EML6: variants seen among roughly 807,000 people sequenced by gnomAD.
The protein encoded by EML6 is echinoderm microtubule-associated protein-like 6.
EML6 carries 154 observed loss-of-function variants against 240.1 expected under a neutral mutation model. That is an observed-to-expected ratio of 0.64 (90% CI 0.56 to 0.73). EML6 has a LOEUF of 0.73. EML6 is among the 30% of genes least tolerant of loss of function. The probability of loss-of-function intolerance (pLI) is 0.00; values close to 1 mark genes in which losing one functional copy is unlikely to be tolerated. For synonymous variants in EML6, 1,148 were observed against 899.0 expected, an observed-to-expected ratio of 1.28 and a Z score of -4.95; for missense variants, 2,964 against 2,474.6, an observed-to-expected ratio of 1.20 and a Z score of -4.20.
intron 7 of EML6, among the ~76,000 whole-genome samples, chr2:54,843,570 C>T (rs1251059169): frequency 1.3e-5 from 2 of 151,936 alleles, no homozygotes; most frequent in Non-Finnish European, 2.9e-5. Context: ...ATGGGCTGGG[C>T]GTGGTGGCTC....
intron 2 of EML6, among the ~76,000 whole-genome samples, chr2:54,785,830 C>A (rs1669057428): frequency 6.6e-6 from 1 of 151,748 alleles, no homozygotes; most frequent in African/African-American, 2.4e-5. Context: ...CAAATTGTCA[C>A]AAATCTCCAA....
At chr2:54,920,236 G>C (rs1188458897) in intron 26 of EML6, among the ~76,000 whole-genome samples, 1 of 151,970 alleles carries the variant, frequency 6.6e-6, no homozygotes, top group East Asian at 1.9e-4. Context: ...ATGAAACTAA[G>C]AGTTGGTGTT....
chr2:54,872,137 C>A lies in EML6; in HGVS notation c.2344+532C>A, dbSNP rs1460046535. Reference sequence around the variant, plus strand: ...AAAAATAGAACTGAAGTTTTCATCTCCTTAATTTAAAATTTGAACACAGTA... The same window carrying A: ...AAAAATAGAACTGAAGTTTTCATCTACTTAATTTAAAATTTGAACACAGTA... On this transcript the variant is annotated intron_variant, in intron 16 of 41. Coordinates refer to ENST00000356458, the MANE Select transcript of EML6 (RefSeq NM_001039753.4). 2.6e-5 allele frequency among the ~76,000 whole-genome samples: 4 copies of A among 152,082 alleles called. No homozygotes were observed. In the South Asian group the frequency reaches 6.2e-4, roughly 24 times the overall value.
chr2:54,801,034 A>G (rs1231901781), intron 2 of EML6, among the ~76,000 whole-genome samples: 1 of 152,084 alleles, frequency 6.6e-6, no homozygotes, highest in African/African-American at 2.4e-5. Flanking sequence ...AAAGTCGCTC[A>G]TTGAGGCCGG....
At position 54,861,544 on chromosome 2, in the gene EML6, C is replaced by A. The variant is rs150652973; in HGVS notation, c.1825+1843C>A. 4.6e-5 allele frequency among the ~76,000 whole-genome samples: 7 copies of A among 152,266 alleles called. No individual in the cohort carries two copies. In the East Asian group the frequency reaches 1.4e-3, roughly 29 times the overall value. ...AAGGAATTGAAACACATAGTCCACC[C>A]TCCAACCCTTCTAGCTACATCAAAA... On this transcript the variant is annotated intron_variant, in intron 12 of 41. Transcript: ENST00000356458.
intron 2 of EML6, among the ~76,000 whole-genome samples, chr2:54,733,853 GA>G (rs748682546): frequency 2.6e-5 from 4 of 152,144 alleles, no homozygotes; most frequent in Non-Finnish European, 5.9e-5. Flanking sequence ...CCCCTTTAAA[GA>G]AGATTCCCCA....
chr2:54,924,219 A>T (rs1269493242), intron 26 of EML6, among the ~76,000 whole-genome samples: 1 of 152,198 alleles, frequency 6.6e-6, no homozygotes, highest in Non-Finnish European at 1.5e-5. Context: ...ATCATTTTAT[A>T]TTCCCACCAA....
At position 54,838,758 on chromosome 2, in the gene EML6, C is replaced by G. The variant is rs568763393; in HGVS notation, c.848-5289C>G. 5.9e-5 allele frequency among the ~76,000 whole-genome samples: 9 copies of G among 152,234 alleles called. No individual in the cohort carries two copies. In the East Asian group the frequency reaches 1.5e-3, roughly 26 times the overall value. On this transcript the variant is annotated intron_variant, in intron 7 of 41. Coordinates refer to ENST00000356458, the MANE Select transcript of EML6 (RefSeq NM_001039753.4). ...ACCGCCATCTGCTGGCTCTCTGTAC[C>G]AAGCATAGGCCCAAGCTCCACGTTT...
chr2:54,821,938 A>C (rs1668353671), intron 5 of EML6, among the ~76,000 whole-genome samples: 1 of 152,172 alleles, frequency 6.6e-6, no homozygotes, highest in South Asian at 2.1e-4. Context: ...AGAAATCGTA[A>C]GGAATAATAC....
chr2:54,885,371 C>T (rs1001593326), intron 17 of EML6, among the ~76,000 whole-genome samples: 29 of 151,862 alleles, frequency 1.9e-4, no homozygotes, highest in African/African-American at 5.1e-4. Flanking sequence ...CACTTGAACC[C>T]GGGAGGCGGA....
At chr2:54,883,985 T>A (rs9678463) in intron 17 of EML6, among the ~76,000 whole-genome samples, 107,253 of 152,074 alleles carry the variant, frequency 0.71, 38,458 homozygotes, top group East Asian at 0.83. Flanking sequence ...AACAACAATC[T>A]GCACAGAGAC....
chr2:54,930,216 C>G (rs1674780375), intron 28 of EML6, among the ~76,000 whole-genome samples: 1 of 152,184 alleles, frequency 6.6e-6, no homozygotes, highest in South Asian at 2.1e-4. Flanking sequence ...GTACATCATG[C>G]TGAGATTCAT....
intron 25 of EML6, among the ~76,000 whole-genome samples, chr2:54,915,043 G>T (rs914890825): frequency 1.3e-5 from 2 of 152,152 alleles, no homozygotes; most frequent in Non-Finnish European, 2.9e-5. Context: ...ATGTCTACCT[G>T]AGGCAAGGTG....
intron 4 of EML6, 100 bp from the exon 5 acceptor site, chr2:54,820,294 T>C: frequency 1.4e-6 from 1 of 705,056 alleles, no homozygotes; most frequent in Non-Finnish European, 2.5e-6. Flanking sequence ...TAACATTGTG[T>C]TCTAAATGTT....
intron 7 of EML6, among the ~76,000 whole-genome samples, chr2:54,831,963 T>G (rs1225537204): frequency 6.6e-6 from 1 of 152,194 alleles, no homozygotes; most frequent in Admixed American, 6.5e-5. Context: ...TTTTAAAACT[T>G]TGCTTTAAAC....
Position 54,914,784 on chromosome 2 carries a change from C to T in EML6, c.3499-1975C>T, listed in dbSNP as rs543177240. Among the ~76,000 whole-genome samples the T allele has an allele frequency of 6.8e-5, 10 of 146,350 alleles. No homozygotes were observed. In the East Asian group the frequency reaches 1.7e-3, roughly 25 times the overall value. On this transcript the variant is annotated intron_variant, in intron 25 of 41. Transcript: ENST00000356458. ...TTTTGGAAAATCTTTTTCAAAGAAG[C>T]AATTTTTTTTTTTAAGAAACAATCA... is the stretch of plus-strand genomic sequence containing the variant.
intron 16 of EML6, among the ~76,000 whole-genome samples, chr2:54,878,707 G>A (rs751289221): frequency 1.3e-5 from 2 of 152,074 alleles, no homozygotes; most frequent in Non-Finnish European, 2.9e-5. Context: ...TAGACAATAA[G>A]CAGTTATACA....
At chr2:54,901,864 T>TG (rs1673073676) in intron 22 of EML6, among the ~76,000 whole-genome samples, 1 of 152,230 alleles carries the variant, frequency 6.6e-6, no homozygotes, top group Admixed American at 6.5e-5. Context: ...GGCATGTTCT[T>TG]GAATCAGTTT....
intron 25 of EML6, among the ~76,000 whole-genome samples, chr2:54,912,977 A>G (rs1055905812): frequency 6.6e-6 from 1 of 151,838 alleles, no homozygotes; most frequent in Non-Finnish European, 1.5e-5. Context: ...TCTTTGAGAA[A>G]TCTCCAAACT....
Sources: allele counts gnomAD v4.1 joint callset (sites outside exome capture counted in the v4.1 genomes callset), GRCh38; gene constraint gnomAD v4.1.1; transcripts MANE v1.5; gene names NCBI Gene and HGNC (gene_info 2026-07-23, HGNC 2026-07-21).